The following CXXC4 variants were observed in gnomAD, a reference collection of about 807,000 sequenced individuals.
CXXC4 encodes CXXC-type zinc finger protein 4.
A neutral mutation model predicts 20.5 loss-of-function variants in CXXC4; 5 were observed. The ratio of observed to expected loss-of-function variants is 0.24; its 90% CI spans 0.13 to 0.51. The LOEUF is 0.51. Among genes scored for constraint, CXXC4 ranks in the 20% least tolerant of loss-of-function variants. CXXC4 has a pLI of 0.97. For missense variants in CXXC4, 419 were observed against 496.4 expected (o/e 0.84, Z 1.48); for synonymous variants, 250 against 216.4 (o/e 1.16, Z -1.36).
At chr4:104,481,873 C>T (rs756901490) in intron 2 of CXXC4, among the ~76,000 whole-genome samples, 2 of 152,070 alleles carry the variant, frequency 1.3e-5, no homozygotes, top group East Asian at 1.9e-4. Flanking sequence ...AGTAAAAATA[C>T]GCTATTTGTA....
intron 2 of CXXC4, among the ~76,000 whole-genome samples, chr4:104,488,892 C>T (rs1388949239): frequency 6.6e-6 from 1 of 152,070 alleles, no homozygotes; most frequent in Non-Finnish European, 1.5e-5. Flanking sequence ...AGTAGTGCCA[C>T]GAGTCTAGCT....
At chr4:104,475,962 T>C (rs1736392572) in intron 2 of CXXC4, among the ~76,000 whole-genome samples, 1 of 152,128 alleles carries the variant, frequency 6.6e-6, no homozygotes. Flanking sequence ...TGGAGAAACC[T>C]GCAGCCCCAG....
At chr4:104,479,330 T>C (rs1736497173) in intron 2 of CXXC4, among the ~76,000 whole-genome samples, 1 of 152,198 alleles carries the variant, frequency 6.6e-6, no homozygotes. Flanking sequence ...CTCTAATTTA[T>C]ACGAAAATAA....
intron 1 of CXXC4, among the ~76,000 whole-genome samples, chr4:104,493,321 A>G (rs756341244): frequency 6.6e-6 from 1 of 152,188 alleles, no homozygotes; most frequent in Non-Finnish European, 1.5e-5. Context: ...TGGCCAGAAT[A>G]TCTTTTTGTG....
Position 104,472,075 on chromosome 4 carries a change from A to G in CXXC4, c.*247T>C. The G allele has an allele frequency of 2.9e-6, 1 of 342,710 alleles. No homozygotes were observed. The highest frequency in any genetic ancestry group is 4.6e-5 in the East Asian group (1 of 21,688). 21.2% of individuals were successfully genotyped at this position (342,710 alleles called of 1,614,324 possible). On this transcript the variant is annotated 3_prime_UTR_variant, in exon 3 of 3. Coordinates refer to ENST00000394767, the MANE Select transcript of CXXC4 (RefSeq NM_025212.4). ...ACAACAACTTCACTACTATAGCTAA[A>G]TTACATCAAAGAAAGAATCAGCGTA...
intron 2 of CXXC4, among the ~76,000 whole-genome samples, chr4:104,482,758 C>T (rs1736588828): frequency 6.6e-6 from 1 of 152,054 alleles, no homozygotes. Flanking sequence ...GTGGCATTTG[C>T]CAGATTTGCT....
chr4:104,492,452 A>G (rs1736918577), intron 1 of CXXC4, among the ~76,000 whole-genome samples: 1 of 152,064 alleles, frequency 6.6e-6, no homozygotes, highest in Non-Finnish European at 1.5e-5. Context: ...AACATTATGA[A>G]ATGTGTGAAC....
intron 2 of CXXC4, among the ~76,000 whole-genome samples, chr4:104,484,080 T>C (rs1269566167): frequency 1.3e-5 from 2 of 152,028 alleles, no homozygotes; most frequent in East Asian, 1.9e-4. Context: ...CTTTAATGTC[T>C]GAAAACTATA....
At chr4:104,493,069 T>C (rs1244438000) in intron 1 of CXXC4, among the ~76,000 whole-genome samples, 1 of 151,840 alleles carries the variant, frequency 6.6e-6, no homozygotes, top group African/African-American at 2.4e-5. Context: ...CTTTAACGTG[T>C]TCTTTGCCAG....
At chr4:104,485,541 G>A (rs1434856603) in intron 2 of CXXC4, among the ~76,000 whole-genome samples, 1 of 152,102 alleles carries the variant, frequency 6.6e-6, no homozygotes, top group African/African-American at 2.4e-5. Context: ...TTGAGGTCCA[G>A]CAGTAAATTC....
At position 104,491,329 on chromosome 4, in the gene CXXC4, G is replaced by A. The variant is rs771736348; in HGVS notation, c.474C>T (p.Gly158=). The change falls in exon 2 of 3, where the codon GGC becomes GGT. Residue 158 remains glycine, a synonymous_variant. Coordinates refer to ENST00000394767, the MANE Select transcript of CXXC4 (RefSeq NM_025212.4). ...TGCTGCCGCCGCCGCCGCCGCCGCC[G>A]CCACCGCCGGCGGGGAGGATCGCCG... The part of the protein sequence containing the change: ...SSSAILPAGG[G]GGGGGGGSRT... 45 of 1,545,908 alleles carry A rather than the reference G, an allele frequency of 2.9e-5. No homozygotes were observed. Among genetic ancestry groups the A allele is most frequent in the Admixed American group, 3.9e-5 (2 of 51,750 alleles).
rs1736885032 is a variant in CXXC4 at position 104,491,709 on chromosome 4, G to A, written c.94C>T (p.Leu32Phe). 2 of 1,546,438 alleles carry A rather than the reference G, an allele frequency of 1.3e-6. No homozygotes were observed. Among genetic ancestry groups the A allele is most frequent in the South Asian group, 1.2e-5 (1 of 83,566 alleles). ...TCCATTTCCGAGTTGTAATCCACAA[G>A]GCTGTTCAGAGCCCCCTCGGGCAAG... ...SHLPEGALNS[L>F]VDYNSEMERY... The change falls in exon 2 of 3, where the codon CTT becomes TTT. Residue 32 changes from leucine (L) to phenylalanine (F), a missense_variant. This residue lies in a region of CXXC4 where 388 missense variants were observed against 416.0 expected (regional missense o/e 0.93). Coordinates refer to ENST00000394767, the MANE Select transcript of CXXC4 (RefSeq NM_025212.4).
intron 2 of CXXC4, among the ~76,000 whole-genome samples, chr4:104,474,209 T>C (rs1736348834): frequency 6.6e-6 from 1 of 151,940 alleles, no homozygotes; most frequent in Non-Finnish European, 1.5e-5. Context: ...CTCATGGAAA[T>C]TGTACTGATC....
intron 1 of CXXC4, chr4:104,494,443 C>G (rs1736986224): frequency 6.6e-6 from 1 of 151,968 alleles, no homozygotes; most frequent in Admixed American, 6.5e-5. Flanking sequence ...TTTCACAATC[C>G]CAACGGACAG....
In CXXC4 at chr4:104,472,098, G is replaced by A. The variant is rs896711163; in HGVS notation, c.*224C>T. 12 of 368,790 alleles carry A rather than the reference G, an allele frequency of 3.3e-5. No homozygotes were observed. Among genetic ancestry groups the A allele is most frequent in the South Asian group, 2.1e-4 (2 of 9,502 alleles). 22.8% of individuals were successfully genotyped at this position (368,790 alleles called of 1,614,324 possible). ...AAATTACATCAAAGAAAGAATCAGC[G>A]TATTGAAAGTAAATAGACTGGCCAA... On this transcript the variant is annotated 3_prime_UTR_variant, in exon 3 of 3. Transcript: ENST00000394767.
chr4:104,490,717 G>A (rs1252399755), intron 2 of CXXC4, 27 bp downstream of exon 2: 2 of 1,572,662 alleles, frequency 1.3e-6, no homozygotes, highest in Non-Finnish European at 1.7e-6. Flanking sequence ...GGGGGAGACT[G>A]GGAAACAAGA....
At chr4:104,486,336 G>C (rs1287618644) in intron 2 of CXXC4, among the ~76,000 whole-genome samples, 2 of 152,036 alleles carry the variant, frequency 1.3e-5, no homozygotes, top group African/African-American at 4.8e-5. Context: ...TCCAGTGATG[G>C]AAAAATAATC....
chr4:104,484,107 C>T (rs1241326608), intron 2 of CXXC4, among the ~76,000 whole-genome samples: 1 of 151,992 alleles, frequency 6.6e-6, no homozygotes, highest in African/African-American at 2.4e-5. Flanking sequence ...CTATTGGTTT[C>T]TTATCTATAA....
At chr4:104,483,300 C>A (rs1349047875) in intron 2 of CXXC4, among the ~76,000 whole-genome samples, 1 of 151,922 alleles carries the variant, frequency 6.6e-6, no homozygotes, top group Non-Finnish European at 1.5e-5. Context: ...GCAAAGCATA[C>A]ATCCATAATT....
Sources: gnomAD v4.1 joint callset for allele counts (sites outside exome capture counted in the v4.1 genomes callset) on GRCh38, gnomAD v4.1.1 for gene constraint, gnomAD v4.1.1 regional missense constraint, MANE v1.5 for transcripts, NCBI Gene and HGNC (gene_info 2026-07-23, HGNC 2026-07-21) for gene names.